TANC1: variants seen among roughly 807,000 people sequenced by gnomAD.
TANC1 encodes the protein protein TANC1.
A neutral mutation model predicts 149.7 loss-of-function variants in TANC1; 77 were observed. That is an observed-to-expected ratio of 0.51 (90% CI 0.43 to 0.62). The LOEUF (loss-of-function observed/expected upper bound fraction) is 0.62, where lower values mean the gene tolerates loss of function less well. Among genes scored for constraint, TANC1 ranks in the 20% least tolerant of loss-of-function variants. The probability of loss-of-function intolerance (pLI) is 0.00; values close to 1 mark genes in which losing one functional copy is unlikely to be tolerated. For missense variants in TANC1, 1,985 were observed against 2,321.8 expected (o/e 0.85, Z 2.98); for synonymous variants, 854 against 925.0 (o/e 0.92, Z 1.39).
At chr2:158,998,244 T>A in intron 1 of TANC1, among the ~76,000 whole-genome samples, 1 of 149,232 alleles carries the variant, frequency 6.7e-6, no homozygotes. Context: ...AGACCCTGTC[T>A]CAAAAAAAAA....
rs201431918 is a variant in TANC1, at chr2:159,020,447, AT to A, written c.-16+19268del. Among the ~76,000 whole-genome samples the A allele has an allele frequency of 4.8e-3, 719 of 150,686 alleles. 6 individuals are homozygous for A. The highest frequency in any genetic ancestry group is 0.016 in the African/African-American group (647 of 41,154). The stretch of plus-strand genomic sequence containing the variant: ...GGCCTTAGAATAGGACTTTAAAGTG[AT>A]TTTTTTTTTCCTTCAGAAAAAGTCC... On this transcript the variant is annotated intron_variant, in intron 2 of 26. Transcript: ENST00000263635.
In TANC1 at chr2:159,196,930, C is replaced by G. The variant is rs535659056; in HGVS notation, c.3165+137C>G. 1.0e-3 allele frequency: 758 copies of G among 732,172 alleles called. 1 individual carries two copies. The highest frequency in any genetic ancestry group is 1.5e-3 in the Admixed American group (54 of 34,914). 45.4% of individuals were successfully genotyped at this position (732,172 alleles called of 1,614,324 possible). A position where few individuals can be genotyped will look rare whatever the true frequency, so the allele number is the denominator to read the frequency against. ...TTGACCACCTGCAGTAGAAGGTCTTCTATGGGCACCACATCCTTCCCGTGA... is the reference window on the plus strand; with the variant it reads ...TTGACCACCTGCAGTAGAAGGTCTTGTATGGGCACCACATCCTTCCCGTGA... On this transcript the variant is annotated intron_variant, in intron 18 of 26. Transcript: ENST00000263635.
intron 4 of TANC1, among the ~76,000 whole-genome samples, chr2:159,123,290 G>A (rs764349683): frequency 5.3e-5 from 8 of 152,142 alleles, no homozygotes; most frequent in African/African-American, 1.2e-4. Context: ...GTGTATGTGC[G>A]TGTATTAGAT....
intron 4 of TANC1, among the ~76,000 whole-genome samples, chr2:159,104,993 T>C: frequency 5.1e-5 from 1 of 19,758 alleles, no homozygotes; most frequent in Non-Finnish European, 1.1e-4. Context: ...TTTTTTTTTT[T>C]TTTTTTTTTT....
chr2:159,228,130 C>A, intron 25 of TANC1, 165 bp downstream of exon 25: 1 of 727,878 alleles, frequency 1.4e-6, no homozygotes, highest in Non-Finnish European at 2.2e-6. Context: ...CCGTGACTAT[C>A]GTTTGGTCAC....
chr2:159,059,752 C>A (rs2042094885), intron 2 of TANC1, among the ~76,000 whole-genome samples: 1 of 151,916 alleles, frequency 6.6e-6, no homozygotes, highest in Non-Finnish European at 1.5e-5. Flanking sequence ...AAAAACTCAT[C>A]AAGGGCTGGT....
intron 4 of TANC1, among the ~76,000 whole-genome samples, chr2:159,116,585 C>T (rs1014408246): frequency 6.6e-6 from 1 of 152,138 alleles, no homozygotes; most frequent in East Asian, 1.9e-4. Context: ...CCACACAGTC[C>T]CTGTTGCGAC....
chr2:159,087,674 A>G (rs2045072471), intron 3 of TANC1, among the ~76,000 whole-genome samples: 1 of 151,388 alleles, frequency 6.6e-6, no homozygotes, highest in African/African-American at 2.4e-5. Flanking sequence ...CACCTGGCCA[A>G]TGTTGCTTTT....
At chr2:159,015,026 A>G (rs2149394262) in intron 2 of TANC1, among the ~76,000 whole-genome samples, 1 of 152,314 alleles carries the variant, frequency 6.6e-6, no homozygotes, top group South Asian at 2.1e-4. Context: ...CTCTTCTCAC[A>G]GCTCTACTAG....
chr2:159,150,465 C>T lies in TANC1; in HGVS notation c.591C>T (p.Ser197=), dbSNP rs1367448710. The stretch of plus-strand genomic sequence containing the variant: ...ATAGCCCCTGCTCAACCTTGAATAG[C>T]TGTGTCAGCAAGACGGCAGCCAACA... ...STDSPCSTLN[S]CVSKTAANKS... Residue 197 remains serine, a synonymous_variant, in exon 7 of 27, where the codon AGC becomes AGT. Coordinates refer to ENST00000263635, the MANE Select transcript of TANC1 (RefSeq NM_033394.3). The T allele has an allele frequency of 6.2e-7, 1 of 1,614,126 alleles. No homozygotes were observed. The highest frequency in any genetic ancestry group is 8.5e-7 in the Non-Finnish European group (1 of 1,179,966).
At chr2:159,096,894 C>G (rs2046202080) in intron 3 of TANC1, among the ~76,000 whole-genome samples, 1 of 152,152 alleles carries the variant, frequency 6.6e-6, no homozygotes, top group Non-Finnish European at 1.5e-5. Flanking sequence ...AATGGAGAAT[C>G]AAAGAATAAG....
At chr2:159,200,456 C>A (rs2058166521) in intron 19 of TANC1, among the ~76,000 whole-genome samples, 1 of 152,166 alleles carries the variant, frequency 6.6e-6, no homozygotes, top group African/African-American at 2.4e-5. Context: ...GGTCTAGCAG[C>A]CATGACATCA....
At chr2:159,024,731 AC>A (rs1309730315) in intron 2 of TANC1, among the ~76,000 whole-genome samples, 4 of 152,102 alleles carry the variant, frequency 2.6e-5, no homozygotes, top group Admixed American at 6.5e-5. Context: ...AGCCTGGGTG[AC>A]AGAACAAGAC....
At chr2:159,182,798 C>T (rs1166429176) in intron 14 of TANC1, among the ~76,000 whole-genome samples, 1 of 151,630 alleles carries the variant, frequency 6.6e-6, no homozygotes, top group East Asian at 1.9e-4. Context: ...CACTAGAAGC[C>T]ACTGATGACC....
At chr2:158,992,880 A>T (rs773358587) in intron 1 of TANC1, among the ~76,000 whole-genome samples, 1 of 151,850 alleles carries the variant, frequency 6.6e-6, no homozygotes, top group Non-Finnish European at 1.5e-5. Flanking sequence ...TGGCTTTTTA[A>T]ATAGCTGCTG....
chr2:159,011,447 CAG>C (rs1249811635), intron 2 of TANC1, among the ~76,000 whole-genome samples: 1 of 151,702 alleles, frequency 6.6e-6, no homozygotes, highest in African/African-American at 2.4e-5. Context: ...AATGGTAGGT[CAG>C]TTTTCCCTGT....
chr2:159,169,850 G>C (rs537866462), intron 9 of TANC1, among the ~76,000 whole-genome samples: 27 of 152,206 alleles, frequency 1.8e-4, no homozygotes, highest in African/African-American at 6.5e-4. Context: ...AAAATTAGCT[G>C]GGCATGGTGG....
chr2:159,121,132 A>G (rs2048808545), intron 4 of TANC1, among the ~76,000 whole-genome samples: 1 of 152,200 alleles, frequency 6.6e-6, no homozygotes, highest in Admixed American at 6.5e-5. Flanking sequence ...TAGCATGTCC[A>G]CATGTCCTGC....
At chr2:159,122,481 C>CT (rs544995373) in intron 4 of TANC1, among the ~76,000 whole-genome samples, 8 of 151,816 alleles carry the variant, frequency 5.3e-5, no homozygotes, top group Admixed American at 4.6e-4. Context: ...CAAAAATGAA[C>CT]TTTTTTTTCT....
Sources: allele counts gnomAD v4.1 joint callset (sites outside exome capture counted in the v4.1 genomes callset), GRCh38; gene constraint gnomAD v4.1.1; transcripts MANE v1.5; gene names NCBI Gene and HGNC (gene_info 2026-07-23, HGNC 2026-07-21).